The following DAB1 variants were observed in gnomAD, a reference collection of about 807,000 sequenced individuals.
The protein encoded by DAB1 is disabled homolog 1.
Under a neutral mutation model 64.6 loss-of-function variants are expected in DAB1, and 15 were observed. The observed-to-expected ratio is 0.23, with a 90% CI of 0.16 to 0.36. The LOEUF is 0.36. DAB1 is among the 10% of genes least tolerant of loss of function. DAB1 has a pLI of 1.00. For missense variants in DAB1, 596 were observed against 706.7 expected, an observed-to-expected ratio of 0.84 and a Z score of 1.78; for synonymous variants, 235 against 251.9, an observed-to-expected ratio of 0.93 and a Z score of 0.64.
chr1:57,114,068 C>T (rs894354018), intron 4 of DAB1, among the ~76,000 whole-genome samples: 3 of 152,136 alleles, frequency 2.0e-5, no homozygotes. Flanking sequence ...CCTTGGTGAT[C>T]CTTGTTTAAA....
chr1:57,209,794 T>G (rs1665861481), intron 2 of DAB1, among the ~76,000 whole-genome samples: 1 of 152,178 alleles, frequency 6.6e-6, no homozygotes. Context: ...CTCAATTGTT[T>G]CTCTCCTCTG....
intron 6 of DAB1, among the ~76,000 whole-genome samples, chr1:57,674,358 A>T (rs1406986525): frequency 6.6e-6 from 1 of 152,186 alleles, no homozygotes; most frequent in Admixed American, 6.5e-5. Context: ...CTCGTAACTG[A>T]CTTAAATGAT....
At chr1:57,987,314 A>G (rs547731153) in intron 5 of DAB1, among the ~76,000 whole-genome samples, 1 of 152,248 alleles carries the variant, frequency 6.6e-6, no homozygotes, top group South Asian at 2.1e-4. Flanking sequence ...GGTAACTTAC[A>G]GTTTGTGAGT....
chr1:57,508,027 T>A (rs538991985), intron 7 of DAB1, among the ~76,000 whole-genome samples: 18 of 152,324 alleles, frequency 1.2e-4, no homozygotes, highest in African/African-American at 3.6e-4. Flanking sequence ...CCCATGACTA[T>A]GTGTTTTTAA....
chr1:58,362,677 A>G (rs960976536), intron 3 of DAB1, among the ~76,000 whole-genome samples: 11 of 152,200 alleles, frequency 7.2e-5, no homozygotes, highest in Non-Finnish European at 1.5e-4. Flanking sequence ...AGAAGGGGCA[A>G]TGCATTCCAT....
intron 7 of DAB1, among the ~76,000 whole-genome samples, chr1:57,596,497 T>TA (rs1227207910): frequency 6.6e-6 from 1 of 152,068 alleles, no homozygotes; most frequent in Non-Finnish European, 1.5e-5. Flanking sequence ...TTATGGATTT[T>TA]TTTTTTTAAA....
chr1:57,801,921 G>C (rs2101873514), intron 6 of DAB1, among the ~76,000 whole-genome samples: 1 of 152,308 alleles, frequency 6.6e-6, no homozygotes, highest in Non-Finnish European at 1.5e-5. Context: ...GCTCCCCAAA[G>C]TGCTGGGATT....
intron 7 of DAB1, among the ~76,000 whole-genome samples, chr1:57,435,310 A>C (rs1002464781): frequency 9.2e-5 from 14 of 151,998 alleles, no homozygotes; most frequent in Non-Finnish European, 1.8e-4. Flanking sequence ...CAGCCTCCCA[A>C]GGTGTTGGGA....
chr1:57,227,450 G>A (rs1353133430), intron 2 of DAB1, among the ~76,000 whole-genome samples: 4 of 151,950 alleles, frequency 2.6e-5, no homozygotes, highest in East Asian at 1.9e-4. Context: ...GAGTAATAAA[G>A]CTGGGTAAAT....
intron 6 of DAB1, among the ~76,000 whole-genome samples, chr1:57,701,898 A>G (rs746152272): frequency 2.0e-5 from 3 of 151,966 alleles, no homozygotes; most frequent in Non-Finnish European, 4.4e-5. Flanking sequence ...AAATTTCTGA[A>G]TTGTTTATTT....
At chr1:57,772,302 G>A (rs1649597313) in intron 6 of DAB1, among the ~76,000 whole-genome samples, 1 of 152,086 alleles carries the variant, frequency 6.6e-6, no homozygotes, top group Admixed American at 6.6e-5. Context: ...AGAATTGTGA[G>A]AAATAAATTT....
rs114187921 is a variant in DAB1 at position 58,336,522 on chromosome 1, G to T, written n.309+6830C>A. ...TCATCCCAAGAAACCAGCAAGATAG[G>T]TATTATGATTCCCATTTTGCAATGA... On this transcript the variant is annotated intron_variant and non_coding_transcript_variant, in intron 4 of 20. Coordinates refer to the DAB1 transcript ENST00000485760. Among the ~76,000 whole-genome samples, 547 of 152,210 alleles carry T rather than the reference G, an allele frequency of 3.6e-3. 4 individuals are homozygous for T. Among genetic ancestry groups the T allele is most frequent in the Non-Finnish European group, 5.8e-3 (394 of 68,022 alleles).
At chr1:57,973,414 C>T (rs545871878) in intron 5 of DAB1, among the ~76,000 whole-genome samples, 3 of 152,242 alleles carry the variant, frequency 2.0e-5, no homozygotes, top group South Asian at 4.2e-4. Flanking sequence ...TGTTTTAAAC[C>T]ACCAGATTTG....
intron 1 of DAB1, among the ~76,000 whole-genome samples, chr1:57,407,849 A>G (rs1022580933): frequency 2.0e-5 from 3 of 151,762 alleles, no homozygotes; most frequent in Non-Finnish European, 2.9e-5. Context: ...TAAGATTACC[A>G]CTGCTAGAGT....
At chr1:57,050,140 C>G (rs2100522320) in intron 9 of DAB1, among the ~76,000 whole-genome samples, 1 of 152,282 alleles carries the variant, frequency 6.6e-6, no homozygotes, top group Admixed American at 6.5e-5. Context: ...TTCCGCTCTT[C>G]TAACACCTTT....
chr1:57,424,387 C>G (rs1364430747), upstream of DAB1, among the ~76,000 whole-genome samples: 6 of 151,978 alleles, frequency 3.9e-5, no homozygotes, highest in Non-Finnish European at 4.4e-5. Flanking sequence ...AGTCGCGCCT[C>G]TGGAGCCCCT....
chr1:57,138,402 C>T (rs1227124931), intron 3 of DAB1, among the ~76,000 whole-genome samples: 1 of 152,096 alleles, frequency 6.6e-6, no homozygotes, highest in Non-Finnish European at 1.5e-5. Flanking sequence ...CAGTGATTAT[C>T]CTTTATATTG....
chr1:58,459,747 G>A (rs779484085), intron 3 of DAB1, among the ~76,000 whole-genome samples: 5 of 152,218 alleles, frequency 3.3e-5, no homozygotes, highest in Non-Finnish European at 5.9e-5. Flanking sequence ...GGAAGCCAAG[G>A]TGGATGGATC....
In DAB1 at chr1:57,728,813, C is replaced by A. The variant is rs533636912; in HGVS notation, n.552-79148G>T. ...CTAGAACACCTTTCTCATCTTCATA[C>A]CTCATCTTCCACATCTGCAAAATGG... is the stretch of plus-strand genomic sequence containing the variant. On this transcript the variant is annotated intron_variant and non_coding_transcript_variant, in intron 6 of 20. Coordinates refer to the DAB1 transcript ENST00000485760. Among the ~76,000 whole-genome samples, 115 of 152,342 alleles carry A rather than the reference C, an allele frequency of 7.5e-4. 1 individual carries two copies. The highest frequency in any genetic ancestry group is 1.1e-3 in the Non-Finnish European group (78 of 68,030).
Sources: allele counts gnomAD v4.1 joint callset (sites outside exome capture counted in the v4.1 genomes callset), GRCh38; gene constraint gnomAD v4.1.1; transcripts MANE v1.5; gene names NCBI Gene and HGNC (gene_info 2026-07-23, HGNC 2026-07-21).